DGKI: variants seen among roughly 807,000 people sequenced by gnomAD.
The protein encoded by DGKI is diacylglycerol kinase iota, also known as DAG kinase iota.
Under a neutral mutation model 147.5 loss-of-function variants are expected in DGKI, and 55 were observed. The ratio of observed to expected loss-of-function variants is 0.37; its 90% confidence interval spans 0.30 to 0.47. DGKI has a LOEUF of 0.47. DGKI is among the 20% of genes least tolerant of loss of function. DGKI has a pLI of 1.00. For synonymous variants in DGKI, 469 were observed against 477.1 expected (o/e 0.98, Z 0.22); for missense variants, 1,007 against 1,323.8 (o/e 0.76, Z 3.71).
chr7:137,605,962 T>C lies in DGKI; in HGVS notation c.1167+3004A>G, dbSNP rs1003551903. On this transcript the variant is annotated intron_variant, in intron 10 of 32. Transcript: ENST00000614521. Reference sequence around the variant, plus strand: ...TTCAAAATAGCTAGAAGATTTGACATATTTCAAACACAAAGAAATGATAAA... The same window carrying C: ...TTCAAAATAGCTAGAAGATTTGACACATTTCAAACACAAAGAAATGATAAA... Among the ~76,000 whole-genome samples, 11 of 152,186 alleles carry C rather than the reference T, an allele frequency of 7.2e-5. No individual in the cohort carries two copies. The East Asian group carries it at 9.6e-4, about 13-fold the overall frequency.
At chr7:137,472,371 T>TATTATATGTATATATACATATTATA (rs1814997750) in intron 23 of DGKI, among the ~76,000 whole-genome samples, 2 of 28,566 alleles carry the variant, frequency 7.0e-5, no homozygotes, top group East Asian at 1.3e-3. Flanking sequence ...TACATATAAT[T>TATTATATGTATATATACATATTATA]ATTATATGTA....
rs745312844 is a variant in DGKI, at chr7:137,587,194, G to C, written c.1328C>G (p.Ser443Cys). 6.2e-7 allele frequency: 1 copy of C among 1,612,362 alleles called. No homozygotes were observed. The highest frequency in any genetic ancestry group is 8.5e-7 in the Non-Finnish European group (1 of 1,179,402). The change falls in exon 13 of 33, where the codon TCC (serine) becomes TGC (cysteine). Residue 443 changes from serine to cysteine, a missense_variant. Ser to Cys is a moderately radical substitution (Grantham distance 112). Around this residue, in one of 5 missense-constraint regions of DGKI, gnomAD observed 224 missense variants for 382.7 expected, o/e 0.59. Transcript: ENST00000614521. ...GGDGTVGWIL[S>C]ILDELQLSPQ... ...GCTCAGCTGCAGTTCATCCAGGATG[G>C]AAAGGATCCAGCCCACCTACAGGCG...
intron 6 of DGKI, among the ~76,000 whole-genome samples, chr7:137,626,963 G>A (rs189574840): frequency 9.6e-4 from 146 of 152,250 alleles, no homozygotes; most frequent in Non-Finnish European, 1.7e-3. Context: ...GGTATTCAGG[G>A]CCATCCATAA....
At position 137,846,389 on chromosome 7, in the gene DGKI, G is replaced by T. The variant is rs1420579976; in HGVS notation, c.401+73C>A. ...GAGAGGTGCCCAACTCCGCGGAAGC[G>T]CCCCTTGCTGGGTAGAAGAGTGGGT... On this transcript the variant is annotated intron_variant, in intron 1 of 32. Coordinates refer to ENST00000614521, the MANE Select transcript of DGKI (RefSeq NM_001321708.2). The surrounding 1 kb of genome is among the most constrained non-coding windows in gnomAD (Gnocchi z 4.0). 9 of 1,013,712 alleles carry T rather than the reference G, an allele frequency of 8.9e-6. No individual in the cohort carries two copies. Among genetic ancestry groups the T allele is most frequent in the African/African-American group, 4.8e-5 (1 of 20,810 alleles). 62.8% of individuals were successfully genotyped at this position (1,013,712 alleles called of 1,614,324 possible).
intron 1 of DGKI, among the ~76,000 whole-genome samples, chr7:137,817,565 T>A (rs1229986789): frequency 7.2e-5 from 11 of 152,210 alleles, no homozygotes; most frequent in Non-Finnish European, 1.5e-5. Context: ...GCTGTCGAAT[T>A]GTGACTCACC....
At chr7:137,826,263 C>G (rs1417133674) in intron 1 of DGKI, among the ~76,000 whole-genome samples, 1 of 152,158 alleles carries the variant, frequency 6.6e-6, no homozygotes, top group Non-Finnish European at 1.5e-5. Flanking sequence ...AAATGCAGAG[C>G]GTGAGCCAGC....
intron 3 of DGKI, among the ~76,000 whole-genome samples, chr7:137,661,851 G>C (rs1822447065): frequency 6.6e-6 from 1 of 152,304 alleles, no homozygotes; most frequent in East Asian, 1.9e-4. Context: ...GGAAAGTGGA[G>C]GGGAGGAACC....
At chr7:137,543,592 T>G (rs924427005) in intron 20 of DGKI, among the ~76,000 whole-genome samples, 1 of 152,172 alleles carries the variant, frequency 6.6e-6, no homozygotes, top group African/African-American at 2.4e-5. Flanking sequence ...AACAATTGCT[T>G]CAAGAGCAGC....
In DGKI at chr7:137,389,990, C is replaced by T. The variant is rs1811299134; in HGVS notation, c.*1230G>A. 6.6e-6 allele frequency: 1 copy of T among 152,154 alleles called. No homozygotes were observed. Among genetic ancestry groups the T allele is most frequent in the Admixed American group, 6.5e-5 (1 of 15,268 alleles). The allele number at this position is 152,154 out of a possible 1,614,324, so 9.4% of individuals were successfully genotyped here. On this transcript the variant is annotated 3_prime_UTR_variant, in exon 33 of 33. Coordinates refer to ENST00000614521, the MANE Select transcript of DGKI (RefSeq NM_001321708.2). ...AAATCTGGCAGTGGAACTCATACAA[C>T]AAGCCTTTGTTCTTGGGTCAAGGAT...
In DGKI at chr7:137,621,874, G is replaced by A. The variant is rs114415873; in HGVS notation, c.876+1609C>T. On this transcript the variant is annotated intron_variant, in intron 7 of 32. Transcript: ENST00000614521. ...CAGATGCAGCCGATCTGAGCACACCGCTGCCCAGAAGGCTGCCCCACCAGT... is the reference window on the plus strand; with the variant it reads ...CAGATGCAGCCGATCTGAGCACACCACTGCCCAGAAGGCTGCCCCACCAGT... Among the ~76,000 whole-genome samples the A allele has an allele frequency of 8.5e-3, 1,301 of 152,282 alleles. 22 individuals carry two copies. The highest frequency in any genetic ancestry group is 0.029 in the African/African-American group (1,220 of 41,548).
At chr7:137,524,625 CTG>C (rs1262063156) in intron 20 of DGKI, among the ~76,000 whole-genome samples, 4 of 152,000 alleles carry the variant, frequency 2.6e-5, no homozygotes, top group African/African-American at 7.3e-5. Context: ...TCTGCAAAGA[CTG>C]TAATTAGAAA....
chr7:137,782,321 C>A (rs911050390), intron 1 of DGKI, among the ~76,000 whole-genome samples: 2 of 152,006 alleles, frequency 1.3e-5, no homozygotes, highest in African/African-American at 4.8e-5. Flanking sequence ...CCTGTGACTC[C>A]CCGCTTTCCC....
intron 28 of DGKI, among the ~76,000 whole-genome samples, chr7:137,417,189 G>C (rs1812392586): frequency 6.6e-6 from 1 of 152,036 alleles, no homozygotes. Context: ...TTCATACTAA[G>C]GAAACAATGC....
chr7:137,802,539 C>A (rs1470378037), intron 1 of DGKI, among the ~76,000 whole-genome samples: 1 of 151,990 alleles, frequency 6.6e-6, no homozygotes, highest in Non-Finnish European at 1.5e-5. Context: ...ACTAAGTAAC[C>A]AATTGTAATG....
At chr7:137,638,719 T>C (rs1821510492) in intron 6 of DGKI, among the ~76,000 whole-genome samples, 1 of 148,386 alleles carries the variant, frequency 6.7e-6, no homozygotes, top group Non-Finnish European at 1.5e-5. Flanking sequence ...TAGATATACA[T>C]ATATACACAT....
chr7:137,756,446 A>G (rs1795685313), intron 1 of DGKI, among the ~76,000 whole-genome samples: 1 of 152,252 alleles, frequency 6.6e-6, no homozygotes. Context: ...TTTGTAAGAC[A>G]TGAGGGAATG....
At chr7:137,670,315 G>A (rs200439076) in intron 3 of DGKI, among the ~76,000 whole-genome samples, 1 of 152,258 alleles carries the variant, frequency 6.6e-6, no homozygotes, top group Non-Finnish European at 1.5e-5. Flanking sequence ...ATTACATGAA[G>A]TGAGCAGTAT....
Position 137,384,200 on chromosome 7 carries a change from CAAAT to C in DGKI, c.*7016_*7019del, listed in dbSNP as rs1250274984. 1.3e-5 allele frequency: 2 copies of C among 151,932 alleles called. No individual in the cohort carries two copies. Among genetic ancestry groups the C allele is most frequent in the Non-Finnish European group, 2.9e-5 (2 of 67,924 alleles). The allele number at this position is 151,932 out of a possible 1,614,324, so 9.4% of individuals were successfully genotyped here. A position where few individuals can be genotyped will look rare whatever the true frequency, so the allele number is the denominator to read the frequency against. On this transcript the variant is annotated 3_prime_UTR_variant, in exon 33 of 33. Coordinates refer to ENST00000614521, the MANE Select transcript of DGKI (RefSeq NM_001321708.2). Reference sequence around the variant, plus strand: ...AACATTTTTTAAATGCTGAGAATCACAAATAAGTTAAAGAAGCCATTAACGCTCA... The same window carrying C: ...AACATTTTTTAAATGCTGAGAATCACAAGTTAAAGAAGCCATTAACGCTCA...
At chr7:137,688,456 G>A (rs1044840660) in intron 2 of DGKI, among the ~76,000 whole-genome samples, 6 of 152,208 alleles carry the variant, frequency 3.9e-5, no homozygotes, top group East Asian at 1.9e-4. Context: ...AGATGAGGAC[G>A]TTGAAGCTGA....
Sources: allele counts gnomAD v4.1 joint callset (sites outside exome capture counted in the v4.1 genomes callset), GRCh38; gene constraint gnomAD v4.1.1; regional missense constraint gnomAD v4.1.1; non-coding constraint Gnocchi (gnomAD v3.1); transcripts MANE v1.5; gene names NCBI Gene and HGNC (gene_info 2026-07-23, HGNC 2026-07-21).